COA1: variants seen among roughly 807,000 people sequenced by gnomAD.
The protein encoded by COA1 is cytochrome c oxidase assembly factor 1.
A neutral mutation model predicts 16.0 loss-of-function variants in COA1; 13 were observed. The ratio of observed to expected loss-of-function variants is 0.81; its 90% confidence interval spans 0.53 to 1.29. COA1 has a LOEUF of 1.29. COA1 is among the 50% of genes most tolerant of loss of function. COA1 has a pLI of 0.00. For synonymous variants in COA1, 65 were observed against 65.7 expected (o/e 0.99, Z 0.05); for missense variants, 179 against 177.0 (o/e 1.01, Z -0.06).
At chr7:43,674,140 C>T (rs1240180139) in intron 1 of COA1, among the ~76,000 whole-genome samples, 3 of 152,138 alleles carry the variant, frequency 2.0e-5, no homozygotes, top group Non-Finnish European at 4.4e-5. Flanking sequence ...ATGTACCCCT[C>T]AACCTAAAAG....
intron 1 of COA1, among the ~76,000 whole-genome samples, chr7:43,723,234 C>A (rs1392618982): frequency 6.6e-6 from 1 of 152,146 alleles, no homozygotes; most frequent in Non-Finnish European, 1.5e-5. Flanking sequence ...TTGGTTGAGC[C>A]ACACTGTTGT....
intron 6 of COA1, among the ~76,000 whole-genome samples, chr7:43,620,673 C>G (rs370421182): frequency 4.6e-5 from 6 of 131,332 alleles, no homozygotes; most frequent in Non-Finnish European, 4.8e-5. Flanking sequence ...GACTCCGTCT[C>G]AAAAAAAAAA....
At chr7:43,671,585 C>G (rs959084420) in intron 1 of COA1, among the ~76,000 whole-genome samples, 1 of 152,126 alleles carries the variant, frequency 6.6e-6, no homozygotes, top group African/African-American at 2.4e-5. Flanking sequence ...ATGACACAAA[C>G]AAATGGAAAA....
intron 4 of COA1, among the ~76,000 whole-genome samples, chr7:43,644,248 G>A (rs1334890896): frequency 1.3e-5 from 2 of 152,096 alleles, no homozygotes; most frequent in African/African-American, 4.8e-5. Context: ...TCTTACTCAG[G>A]AATTTTCAAC....
rs2095149656 is a variant in COA1, at chr7:43,709,739, G to C, written c.-39+19690C>G. Among the ~76,000 whole-genome samples, 7 of 151,594 alleles carry C rather than the reference G, an allele frequency of 4.6e-5. No individual in the cohort carries two copies. The South Asian group carries it at 1.3e-3, about 27-fold the overall frequency. On this transcript the variant is annotated intron_variant, in intron 1 of 5. Coordinates refer to ENST00000223336, the MANE Select transcript of COA1 (RefSeq NM_018224.4). ...AAACAAATTGTCCCACTTTATTCTT[G>C]AAGAGTATCTTGGCTCTTCTTGGCC...
chr7:43,657,509 C>G (rs1242616412), intron 1 of COA1, among the ~76,000 whole-genome samples: 3 of 151,958 alleles, frequency 2.0e-5, no homozygotes, highest in Non-Finnish European at 4.4e-5. Flanking sequence ...CAGTTGTTAC[C>G]CATTCATTCA....
intron 1 of COA1, among the ~76,000 whole-genome samples, chr7:43,665,310 G>A (rs188362399): frequency 5.2e-4 from 79 of 152,244 alleles, no homozygotes; most frequent in African/African-American, 9.9e-4. Context: ...AGTATTTAAC[G>A]AGCAGTATAG....
chr7:43,714,568 G>T (rs1409184877), intron 1 of COA1, among the ~76,000 whole-genome samples: 1 of 151,686 alleles, frequency 6.6e-6, no homozygotes, highest in Non-Finnish European at 1.5e-5. Context: ...GGCAGAGGTT[G>T]CAGTGAGCTG....
At chr7:43,663,334 A>G (rs368332820) in intron 1 of COA1, among the ~76,000 whole-genome samples, 2 of 152,192 alleles carry the variant, frequency 1.3e-5, no homozygotes, top group South Asian at 4.1e-4. Flanking sequence ...AAATTACCCA[A>G]TCTCAGGTAT....
intron 4 of COA1, 61 bp downstream of exon 4, chr7:43,645,190 C>T (rs916673740): frequency 9.0e-6 from 14 of 1,547,210 alleles, no homozygotes; most frequent in African/African-American, 5.4e-5. Flanking sequence ...TTCCAGGAGA[C>T]AGTAGACTCT....
At chr7:43,697,385 T>C (rs2094564756) in intron 1 of COA1, among the ~76,000 whole-genome samples, 1 of 151,802 alleles carries the variant, frequency 6.6e-6, no homozygotes, top group Non-Finnish European at 1.5e-5. Flanking sequence ...TCTGCCTCCC[T>C]GGTTCAAGTG....
At chr7:43,657,272 G>A (rs1054715569) in intron 1 of COA1, 10 of 152,152 alleles carry the variant, frequency 6.6e-5, no homozygotes, top group African/African-American at 2.2e-4. Flanking sequence ...GAACCACTCT[G>A]GAGAGGGCAA....
chr7:43,651,946 G>A (rs1344384374), intron 1 of COA1, among the ~76,000 whole-genome samples: 11 of 152,084 alleles, frequency 7.2e-5, no homozygotes, highest in African/African-American at 1.9e-4. Context: ...GCCATGAGCC[G>A]AGACCATGCC....
intron 3 of COA1, chr7:43,645,622 G>T: frequency 2.1e-6 from 1 of 486,866 alleles, no homozygotes; most frequent in Non-Finnish European, 3.7e-6. Flanking sequence ...AGATGACCTT[G>T]GGCCTTGACC....
At chr7:43,685,723 G>A (rs2093992150) in intron 1 of COA1, among the ~76,000 whole-genome samples, 1 of 152,088 alleles carries the variant, frequency 6.6e-6, no homozygotes, top group African/African-American at 2.4e-5. Context: ...ACAAAAGCAA[G>A]GTACAAACTG....
At chr7:43,660,723 T>G (rs1048461861) in intron 1 of COA1, among the ~76,000 whole-genome samples, 1 of 152,152 alleles carries the variant, frequency 6.6e-6, no homozygotes, top group African/African-American at 2.4e-5. Context: ...TTGGATATTT[T>G]CCACCTTGTC....
At chr7:43,714,143 A>T (rs1490831283) in intron 1 of COA1, among the ~76,000 whole-genome samples, 1 of 152,154 alleles carries the variant, frequency 6.6e-6, no homozygotes, top group African/African-American at 2.4e-5. Flanking sequence ...AGGTAGGATC[A>T]TGCCACTGCA....
rs577428302 is a variant in COA1 at position 43,616,099 on chromosome 7, A to G, written c.*134-6604T>C. Among the ~76,000 whole-genome samples the G allele has an allele frequency of 3.9e-5, 6 of 152,352 alleles. No individual in the cohort carries two copies. In the South Asian group the frequency reaches 1.0e-3, roughly 26 times the overall value. On this transcript the variant is annotated intron_variant and NMD_transcript_variant, in intron 6 of 6. Transcript: ENST00000415076. ...TTCCCCAGGGCCTAGCTCATTAGGC[A>G]ATCAATAAATATTTGTTGAAAAAAT...
chr7:43,683,109 C>T (rs1481563702), intron 1 of COA1, among the ~76,000 whole-genome samples: 1 of 152,084 alleles, frequency 6.6e-6, no homozygotes, highest in Non-Finnish European at 1.5e-5. Flanking sequence ...CTGCCAGCTT[C>T]GGCCTCCCAA....
Sources: gnomAD v4.1 joint callset for allele counts (sites outside exome capture counted in the v4.1 genomes callset) on GRCh38, gnomAD v4.1.1 for gene constraint, MANE v1.5 for transcripts, NCBI Gene and HGNC (gene_info 2026-07-23, HGNC 2026-07-21) for gene names.